KCNH2: variants seen among roughly 807,000 people sequenced by gnomAD.
KCNH2 encodes the protein voltage-gated inwardly rectifying potassium channel KCNH2.
A neutral mutation model predicts 95.9 loss-of-function variants in KCNH2; 35 were observed. The observed-to-expected ratio is 0.37, with a 90% CI of 0.28 to 0.48. KCNH2 has a LOEUF of 0.48. Ranked by LOEUF, KCNH2 falls within the 20% of genes least tolerant of loss-of-function variation. The probability of loss-of-function intolerance (pLI) is 0.99; values close to 1 mark genes in which losing one functional copy is unlikely to be tolerated. For missense variants in KCNH2, 1,274 were observed against 1,702.9 expected (o/e 0.75, Z 4.43); for synonymous variants, 786 against 754.7 (o/e 1.04, Z -0.68).
chr7:150,951,743 C>G lies in KCNH2; in HGVS notation c.1650G>C (p.Leu550=). The change falls in exon 7 of 15, where the codon CTG becomes CTC. Residue 550 remains leucine, a synonymous_variant. Transcript: ENST00000262186. ...DRYSEYGAAV[L]FLLMCTFALI... Reference sequence around the variant, plus strand: ...GCGCAAAGGTGCACATGAGCAAGAACAGCACGGCCGCGCCGTACTCTGAGT... The same window carrying G: ...GCGCAAAGGTGCACATGAGCAAGAAGAGCACGGCCGCGCCGTACTCTGAGT... 1 of 1,611,696 alleles carries G rather than the reference C, an allele frequency of 6.2e-7. No individual in the cohort carries two copies. Among genetic ancestry groups the G allele is most frequent in the Non-Finnish European group, 8.5e-7 (1 of 1,177,932 alleles).
Position 150,978,089 on chromosome 7 carries a change from C to A in KCNH2, c.-176G>T. 5.1e-6 allele frequency: 1 copy of A among 194,410 alleles called. No individual in the cohort carries two copies. The highest frequency in any genetic ancestry group is 1.8e-4 in the South Asian group (1 of 5,626). The allele number at this position is 194,410 out of a possible 1,614,324, so 12.0% of individuals were successfully genotyped here. On this transcript the variant is annotated 5_prime_UTR_variant, in exon 1 of 15. Transcript: ENST00000262186. ...GGGTCCTCGCTCGGCTCCCGGCTCC[C>A]CGCTCCGGACCCCGGGCCCGGCCTG...
At chr7:150,957,232 C>A in intron 5 of KCNH2, 59 bp downstream of exon 5, 2 of 1,424,926 alleles carry the variant, frequency 1.4e-6, no homozygotes, top group Non-Finnish European at 1.9e-6. Flanking sequence ...ACAGCCCACT[C>A]CCACCCCCTC....
In KCNH2 at chr7:150,961,245, A is replaced by G. The variant is rs116666558; in HGVS notation, c.308-1509T>C. Among the ~76,000 whole-genome samples, 1,048 of 151,662 alleles carry G rather than the reference A, an allele frequency of 6.9e-3. 11 individuals carry two copies. Among genetic ancestry groups the G allele is most frequent in the African/African-American group, 0.024 (983 of 41,310 alleles). On this transcript the variant is annotated intron_variant, in intron 2 of 14. Transcript: ENST00000262186. This position sits in a 1 kb window ranked among gnomAD's most constrained non-coding sequence, Gnocchi z 6.2. Reference sequence around the variant, plus strand: ...GAGGCTGCAGGCATGGGGGAGAGGCAAGGGTGACAAACCATGCAGTCCCAC... The same window carrying G: ...GAGGCTGCAGGCATGGGGGAGAGGCGAGGGTGACAAACCATGCAGTCCCAC...
At chr7:150,949,946 G>C (rs1317229400) in intron 9 of KCNH2, 2 of 1,537,506 alleles carry the variant, frequency 1.3e-6, no homozygotes, top group Admixed American at 2.0e-5. Context: ...ATCCTGAAGG[G>C]AAGGAGAATG....
intron 2 of KCNH2, among the ~76,000 whole-genome samples, chr7:150,968,253 G>A (rs1361794297): frequency 3.3e-5 from 5 of 152,318 alleles, no homozygotes; most frequent in African/African-American, 9.6e-5. Flanking sequence ...ACTCCCGGGC[G>A]TGTATCCCAC....
At position 150,955,460 on chromosome 7, in the gene KCNH2, C is replaced by T. The variant is rs755016408; in HGVS notation, c.1128+1831G>A. 5 of 1,561,858 alleles carry T rather than the reference C, an allele frequency of 3.2e-6. No homozygotes were observed. Among genetic ancestry groups the T allele is most frequent in the South Asian group, 1.2e-5 (1 of 84,702 alleles). On this transcript the variant is annotated intron_variant, in intron 5 of 14. Coordinates refer to ENST00000262186, the MANE Select transcript of KCNH2 (RefSeq NM_000238.4). ...CACCCGGCCTTTCTGGGCCCTGGGC[C>T]GCAGAGCCCCTGTCCTGCTCGCCTT... is the stretch of plus-strand genomic sequence containing the variant.
Position 150,977,874 on chromosome 7 carries a change from A to G in KCNH2, c.40T>C (p.Phe14Leu). The stretch of plus-strand genomic sequence containing the variant: ...AACTTGCGGATGATGGTGTCCAGGA[A>G]GGTGTTCTGCGGCGCGACGTGGCCC... Reference protein sequence around the residue: ...RRGHVAPQNTFLDTIIRKFEG... With the variant: ...RRGHVAPQNTLLDTIIRKFEG... The change falls in exon 1 of 15, where the codon TTC becomes CTC. Residue 14 changes from phenylalanine to leucine, a missense_variant. By Grantham distance (22) the Phe-to-Leu change is conservative. Around this residue, in one of 7 missense-constraint regions of KCNH2, gnomAD observed 29 missense variants for 25.2 expected, o/e 1.15. Coordinates refer to ENST00000262186, the MANE Select transcript of KCNH2 (RefSeq NM_000238.4). 1 of 1,589,518 alleles carries G rather than the reference A, an allele frequency of 6.3e-7. No homozygotes were observed. Among genetic ancestry groups the G allele is most frequent in the South Asian group, 1.1e-5 (1 of 90,246 alleles).
At chr7:150,967,252 C>T (rs766000392) in intron 2 of KCNH2, among the ~76,000 whole-genome samples, 39 of 152,138 alleles carry the variant, frequency 2.6e-4, no homozygotes, top group Non-Finnish European at 4.9e-4. Flanking sequence ...GCACTCCAGC[C>T]TGGGCAACAG....
chr7:150,976,750 C>T (rs1166215633), intron 1 of KCNH2, among the ~76,000 whole-genome samples: 5 of 151,386 alleles, frequency 3.3e-5, no homozygotes, highest in Non-Finnish European at 7.4e-5. Context: ...ACATCCATCC[C>T]AGCCTCCTCG....
In KCNH2 at chr7:150,958,382, A is replaced by T; in HGVS notation, c.593T>A (p.Val198Glu). Residue 198 changes from valine (V) to glutamate (E), a missense_variant, in exon 4 of 15, where the codon GTG (valine) becomes GAG (glutamate). This residue lies in a region of KCNH2 where 392 missense variants were observed against 429.9 expected (regional missense o/e 0.91). Coordinates refer to ENST00000262186, the MANE Select transcript of KCNH2 (RefSeq NM_000238.4). ...GCTGGGTGCCGCGGGCGTCAGGTCC[A>T]CGTCCACCACCACGGCCCCCGGGGC... ...AGAPGAVVVD[V>E]DLTPAAPSSE... is the part of the protein sequence containing the mutation. 6.8e-7 allele frequency: 1 copy of T among 1,471,708 alleles called. No individual in the cohort carries two copies. The highest frequency in any genetic ancestry group is 1.3e-5 in the South Asian group (1 of 77,712). The allele number at this position is 1,471,708 out of a possible 1,614,324, so 91.2% of individuals were successfully genotyped here. A position where few individuals can be genotyped will look rare whatever the true frequency, so the allele number is the denominator to read the frequency against.
intron 6 of KCNH2, 70 bp from the exon 7 acceptor site, chr7:150,951,905 G>A (rs984121361): frequency 7.7e-5 from 108 of 1,408,424 alleles, no homozygotes; most frequent in Non-Finnish European, 9.3e-5. Context: ...GAGGTGCTGC[G>A]GCCCTCAGAG....
In KCNH2 at chr7:150,947,683, G is replaced by C; in HGVS notation, c.2888C>G (p.Pro963Arg). Residue 963 changes from proline to arginine, a missense_variant, in exon 12 of 15, where the codon CCC becomes CGC. Pro to Arg is a moderately radical substitution (Grantham distance 103). Coordinates refer to ENST00000262186, the MANE Select transcript of KCNH2 (RefSeq NM_000238.4). The stretch of plus-strand genomic sequence containing the variant: ...CTCCCCACCCGGCGGCTCTCCGGGG[G>C]GCCTGGGGCTGGAGAAGGGCACCAG... ...LRLVPFSSPR[P>R]PGEPPGGEPL... 6.2e-7 allele frequency: 1 copy of C among 1,602,360 alleles called. No individual in the cohort carries two copies. Among genetic ancestry groups the C allele is most frequent in the South Asian group, 1.1e-5 (1 of 89,414 alleles).
rs765427343 is a variant in KCNH2 at position 150,948,471 on chromosome 7, A to T, written c.2665T>A (p.Leu889Met). The T allele has an allele frequency of 6.2e-7, 1 of 1,611,142 alleles. No homozygotes were observed. Among genetic ancestry groups the T allele is most frequent in the South Asian group, 1.1e-5 (1 of 91,050 alleles). Residue 889 changes from leucine to methionine, a missense_variant, in exon 11 of 15, where the codon TTG becomes ATG. Leu to Met is a conservative substitution (Grantham distance 15). Around this residue, in one of 7 missense-constraint regions of KCNH2, gnomAD observed 457 missense variants for 416.1 expected, o/e 1.10. Transcript: ENST00000262186. ...TTGTCCGTGCGCCTGCGGAAGGACA[A>T]CTTGCGCTTGCGTTGCCGACTGAAG... ...GGFSRQRKRKLSFRRRTDKDT... is the reference protein window; with the variant it reads ...GGFSRQRKRKMSFRRRTDKDT...
At position 150,951,840 on chromosome 7, in the gene KCNH2, G is replaced by T; in HGVS notation, c.1558-5C>A. ...AGTCTTCAGCAGCCCGATCAGCTGG[G>T]GGACAGGGAAGGGGCACATTCCGTT... On this transcript the variant is annotated splice_polypyrimidine_tract_variant and splice_region_variant and intron_variant, in intron 6 of 14. Coordinates refer to ENST00000262186, the MANE Select transcript of KCNH2 (RefSeq NM_000238.4). The T allele has an allele frequency of 6.4e-7, 1 of 1,566,134 alleles. No homozygotes were observed. The highest frequency in any genetic ancestry group is 8.7e-7 in the Non-Finnish European group (1 of 1,152,980).
chr7:150,950,040 T>C (rs1801074795), intron 9 of KCNH2, 128 bp downstream of exon 9: 1 of 1,604,396 alleles, frequency 6.2e-7, no homozygotes, highest in Non-Finnish European at 8.5e-7. Context: ...TTAGGTGAAT[T>C]AAAGGAGCCC....
intron 9 of KCNH2, 144 bp downstream of exon 9, chr7:150,950,024 C>T: frequency 6.3e-7 from 1 of 1,589,806 alleles, no homozygotes; most frequent in Non-Finnish European, 8.6e-7. Flanking sequence ...CTTGGAGGGC[C>T]TGAGTTTAGG....
In KCNH2 at chr7:150,960,363, T is replaced by C. The variant is rs1396830421; in HGVS notation, c.308-627A>G. On this transcript the variant is annotated intron_variant, in intron 2 of 14. Transcript: ENST00000262186. The stretch of plus-strand genomic sequence containing the variant: ...CACAGTGATGTTGTGATACACATAA[T>C]GTATATAATTCTTTTCTCATGAGTT... Among the ~76,000 whole-genome samples the C allele has an allele frequency of 1.3e-5, 2 of 152,270 alleles. 1 individual carries two copies.
chr7:150,953,427 C>G (rs1801258063), intron 5 of KCNH2, among the ~76,000 whole-genome samples: 1 of 152,232 alleles, frequency 6.6e-6, no homozygotes, highest in African/African-American at 2.4e-5. Context: ...TCAGCCCCCT[C>G]TCCACACAGG....
rs201056383 is a variant in KCNH2, at chr7:150,952,877, G to A, written c.1129-24C>T. 62 of 1,609,698 alleles carry A rather than the reference G, an allele frequency of 3.9e-5. No homozygotes were observed. The highest frequency in any genetic ancestry group is 2.0e-4 in the Admixed American group (12 of 59,978). On this transcript the variant is annotated intron_variant, in intron 5 of 14. Coordinates refer to ENST00000262186, the MANE Select transcript of KCNH2 (RefSeq NM_000238.4). This position sits in a 1 kb window ranked among gnomAD's most constrained non-coding sequence, Gnocchi z 7.3. Reference sequence around the variant, plus strand: ...ACCTGCACCCGGGGAAGGCGGAGGTGTGGGTGAGGCAGGCCATGGGACCTC... The same window carrying A: ...ACCTGCACCCGGGGAAGGCGGAGGTATGGGTGAGGCAGGCCATGGGACCTC...
Sources: gnomAD v4.1 joint callset for allele counts (sites outside exome capture counted in the v4.1 genomes callset) on GRCh38, gnomAD v4.1.1 for gene constraint, gnomAD v4.1.1 regional missense constraint, Gnocchi (gnomAD v3.1) non-coding constraint, MANE v1.5 for transcripts, NCBI Gene and HGNC (gene_info 2026-07-23, HGNC 2026-07-21) for gene names.